Variants in LONP2 observed in about 807,000 individuals in gnomAD.
LONP2 encodes lon peptidase 2, peroxisomal.
In LONP2, 60 loss-of-function variants were observed where a neutral mutation model predicts 85.6. That is an observed-to-expected ratio of 0.70 (90% CI 0.57 to 0.87). LONP2 has a LOEUF of 0.87. LONP2 is among the 40% of genes least tolerant of loss of function. LONP2 has a pLI of 0.00. For synonymous variants in LONP2, 395 were observed against 389.7 expected (o/e 1.01, Z -0.16); for missense variants, 860 against 1,063.5 (o/e 0.81, Z 2.66).
Position 48,256,698 on chromosome 16 carries a change from T to C in LONP2, c.557T>C (p.Ile186Thr). Residue 186 changes from isoleucine (I) to threonine (T), a missense_variant, in exon 3 of 15, where the codon ATC becomes ACC. Ile to Thr is a moderately conservative substitution (Grantham distance 89). Coordinates refer to ENST00000285737, the MANE Select transcript of LONP2 (RefSeq NM_031490.5). ...DSLPREALPD[I>T]LTSIIRTSNK... is the part of the protein sequence containing the mutation. ...CTTCCAAGGGAAGCTTTACCAGACA[T>C]CTTGACATCAATTATCCGAACAAGC... 1.9e-6 allele frequency: 3 copies of C among 1,613,974 alleles called. No individual in the cohort carries two copies. The highest frequency in any genetic ancestry group is 2.5e-6 in the Non-Finnish European group (3 of 1,179,918).
At chr16:48,319,082 AG>A (rs1356640934) in intron 11 of LONP2, among the ~76,000 whole-genome samples, 3 of 146,306 alleles carry the variant, frequency 2.1e-5, no homozygotes, top group Non-Finnish European at 4.5e-5. Context: ...TTTAATGTTT[AG>A]AAAGTAACCT....
intron 7 of LONP2, among the ~76,000 whole-genome samples, chr16:48,274,374 CATG>C (rs990754417): frequency 5.9e-4 from 89 of 152,004 alleles, no homozygotes; most frequent in African/African-American, 1.9e-3. Flanking sequence ...GCTTATTTAA[CATG>C]GTGCTAAATG....
intron 3 of LONP2, among the ~76,000 whole-genome samples, chr16:48,257,309 A>G (rs1048622267): frequency 6.6e-6 from 1 of 151,768 alleles, no homozygotes; most frequent in African/African-American, 2.4e-5. Context: ...TCTGCCTCTA[A>G]ATAAATAAAT....
intron 6 of LONP2, among the ~76,000 whole-genome samples, chr16:48,268,859 C>G (rs905979890): frequency 6.6e-6 from 1 of 151,978 alleles, no homozygotes; most frequent in Non-Finnish European, 1.5e-5. Context: ...CCATCTCAGG[C>G]CATTTTTTTC....
chr16:48,360,318 G>T (rs1302419322), downstream of LONP2, among the ~76,000 whole-genome samples: 1 of 152,210 alleles, frequency 6.6e-6, no homozygotes, highest in Non-Finnish European at 1.5e-5. Flanking sequence ...TCTCCTGACA[G>T]TTGTAAGAAT....
At chr16:48,264,707 C>G (rs925292881) in intron 6 of LONP2, among the ~76,000 whole-genome samples, 1 of 152,196 alleles carries the variant, frequency 6.6e-6, no homozygotes, top group African/African-American at 2.4e-5. Flanking sequence ...TCCATGAAAT[C>G]TTTACGATTT....
intron 9 of LONP2, among the ~76,000 whole-genome samples, chr16:48,299,273 A>G (rs1972747279): frequency 6.6e-6 from 1 of 152,166 alleles, no homozygotes; most frequent in Non-Finnish European, 1.5e-5. Flanking sequence ...CATTTAATCT[A>G]CATTTGATTC....
intron 5 of LONP2, 133 bp downstream of exon 5, chr16:48,261,720 C>A: frequency 3.4e-6 from 2 of 592,356 alleles, no homozygotes; most frequent in South Asian, 4.0e-5. Flanking sequence ...TGCTGTCAGG[C>A]AATATAACTC....
At chr16:48,319,781 A>C (rs1973223303) in intron 11 of LONP2, among the ~76,000 whole-genome samples, 1 of 152,184 alleles carries the variant, frequency 6.6e-6, no homozygotes. Context: ...CTGGTATGAT[A>C]TGGGAGGCAC....
intron 7 of LONP2, among the ~76,000 whole-genome samples, chr16:48,272,968 A>G (rs748188891): frequency 4.6e-5 from 7 of 152,180 alleles, no homozygotes; most frequent in Non-Finnish European, 8.8e-5. Flanking sequence ...ACAACCGACA[A>G]TTCCAGCACA....
At chr16:48,310,686 G>A (rs1335654327) in intron 11 of LONP2, among the ~76,000 whole-genome samples, 2 of 151,876 alleles carry the variant, frequency 1.3e-5, no homozygotes, top group South Asian at 4.2e-4. Flanking sequence ...TTTTGTTCCC[G>A]CTTTGTGGTC....
chr16:48,253,453 G>A (rs1201447635), intron 2 of LONP2, among the ~76,000 whole-genome samples: 2 of 150,644 alleles, frequency 1.3e-5, no homozygotes, highest in Non-Finnish European at 2.9e-5. Context: ...CTGGGCAACA[G>A]AGCGAGACCC....
chr16:48,346,775 C>G (rs1959978741), intron 12 of LONP2, among the ~76,000 whole-genome samples: 1 of 152,044 alleles, frequency 6.6e-6, no homozygotes, highest in South Asian at 2.1e-4. Context: ...TCTTAAAGGT[C>G]TGCTAGTAAG....
chr16:48,296,259 A>G, intron 9 of LONP2, 94 bp downstream of exon 9: 1 of 1,291,772 alleles, frequency 7.7e-7, no homozygotes, highest in Non-Finnish European at 1.1e-6. Context: ...AAAGAAGTTC[A>G]TTTGCCAACA....
At chr16:48,358,191 AAC>A (rs1242963434), downstream of LONP2, among the ~76,000 whole-genome samples, 2 of 152,224 alleles carry the variant, frequency 1.3e-5, no homozygotes, top group Admixed American at 1.3e-4. Flanking sequence ...TTAACTGTTA[AAC>A]ACAAAATGTA....
intron 11 of LONP2, among the ~76,000 whole-genome samples, chr16:48,323,719 C>G (rs1190016772): frequency 6.6e-6 from 1 of 151,304 alleles, no homozygotes; most frequent in Non-Finnish European, 1.5e-5. Context: ...CCATCTGTAT[C>G]TCAGTGGTTA....
At chr16:48,278,755 T>C (rs1302593293) in intron 8 of LONP2, among the ~76,000 whole-genome samples, 2 of 152,210 alleles carry the variant, frequency 1.3e-5, no homozygotes, top group East Asian at 3.8e-4. Flanking sequence ...CATGGGTTTC[T>C]TTTCATGCAT....
At chr16:48,309,632 T>G (rs1415898063) in intron 11 of LONP2, among the ~76,000 whole-genome samples, 2 of 152,234 alleles carry the variant, frequency 1.3e-5, no homozygotes, top group Non-Finnish European at 2.9e-5. Context: ...TGTTGTTTAA[T>G]TTACATGTGT....
chr16:48,321,264 G>T (rs901692294), intron 11 of LONP2, among the ~76,000 whole-genome samples: 1 of 151,998 alleles, frequency 6.6e-6, no homozygotes, highest in Non-Finnish European at 1.5e-5. Context: ...ATACTTAATG[G>T]TTTTAAAAAA....
Sources: allele counts gnomAD v4.1 joint callset (sites outside exome capture counted in the v4.1 genomes callset), GRCh38; gene constraint gnomAD v4.1.1; transcripts MANE v1.5; gene names NCBI Gene and HGNC (gene_info 2026-07-23, HGNC 2026-07-21).